TRIT1: variants seen among roughly 807,000 people sequenced by gnomAD.
TRIT1 encodes the protein tRNA dimethylallyltransferase.
A neutral mutation model predicts 51.2 loss-of-function variants in TRIT1; 43 were observed. The ratio of observed to expected loss-of-function variants is 0.84; its 90% CI spans 0.66 to 1.08. The LOEUF is 1.08. Among genes scored for constraint, TRIT1 ranks in the 50% least tolerant of loss-of-function variants. TRIT1 has a pLI of 0.00. For missense variants in TRIT1, 528 were observed against 578.4 expected (o/e 0.91, Z 0.89); for synonymous variants, 184 against 203.9 (o/e 0.90, Z 0.83).
At chr1:39,879,160 T>G (rs1644162298) in intron 1 of TRIT1, among the ~76,000 whole-genome samples, 1 of 151,990 alleles carries the variant, frequency 6.6e-6, no homozygotes, top group Non-Finnish European at 1.5e-5. Flanking sequence ...TCCCAGCTAC[T>G]CGGGAGGCTG....
chr1:39,847,375 C>G, intron 7 of TRIT1, 78 bp from the exon 8 acceptor site: 6 of 1,514,454 alleles, frequency 4.0e-6, no homozygotes, highest in Non-Finnish European at 5.5e-6. Flanking sequence ...CCCAGCCCAG[C>G]AGGAAAAAGT....
intron 1 of TRIT1, among the ~76,000 whole-genome samples, chr1:39,877,019 CAA>C (rs529375001): frequency 0.14 from 10,073 of 74,108 alleles, 370 homozygotes; most frequent in East Asian, 0.27. Flanking sequence ...AATGGGTCTT[CAA>C]AAAAAAAAAA....
intron 8 of TRIT1, among the ~76,000 whole-genome samples, chr1:39,846,741 T>C (rs1642245866): frequency 6.6e-6 from 1 of 152,184 alleles, no homozygotes; most frequent in South Asian, 2.1e-4. Flanking sequence ...TTCTTTTCCC[T>C]CAAAAATGCT....
At chr1:39,874,929 A>C (rs1450365533) in intron 1 of TRIT1, among the ~76,000 whole-genome samples, 4 of 151,862 alleles carry the variant, frequency 2.6e-5, no homozygotes, top group Admixed American at 2.0e-4. Flanking sequence ...CAGCCTCCCA[A>C]AGTGCTGGAA....
intron 1 of TRIT1, among the ~76,000 whole-genome samples, chr1:39,867,659 G>A (rs1279681739): frequency 6.6e-6 from 1 of 152,158 alleles, no homozygotes; most frequent in East Asian, 1.9e-4. Flanking sequence ...GAGTCCACCT[G>A]CAAACAAACA....
intron 6 of TRIT1, 154 bp from the exon 7 acceptor site, chr1:39,847,814 C>T: frequency 6.9e-7 from 1 of 1,454,306 alleles, no homozygotes; most frequent in South Asian, 1.4e-5. Flanking sequence ...CTCCCCTACC[C>T]ACCAGGTTAC....
At chr1:39,856,665 C>CATA (rs1642921658) in intron 2 of TRIT1, among the ~76,000 whole-genome samples, 1 of 152,078 alleles carries the variant, frequency 6.6e-6, no homozygotes, top group Admixed American at 6.6e-5. Context: ...CATGTTAAGA[C>CATA]ATAAGGGCAA....
At chr1:39,853,648 G>C (rs1213300362) in intron 3 of TRIT1, among the ~76,000 whole-genome samples, 1 of 152,150 alleles carries the variant, frequency 6.6e-6, no homozygotes, top group Non-Finnish European at 1.5e-5. Context: ...CTGACCTCAG[G>C]TGAGCCACCC....
intron 1 of TRIT1, among the ~76,000 whole-genome samples, chr1:39,859,968 C>T (rs976777172): frequency 6.6e-6 from 1 of 152,230 alleles, no homozygotes; most frequent in Non-Finnish European, 1.5e-5. Flanking sequence ...CTGTAATCTG[C>T]CTTTAGGTGT....
At chr1:39,870,513 TAAAAAAAAAAAAA>T (rs60334518) in intron 1 of TRIT1, among the ~76,000 whole-genome samples, 2 of 78,780 alleles carry the variant, frequency 2.5e-5, no homozygotes, top group Non-Finnish European at 4.7e-5. Flanking sequence ...CAATAAATAC[TAAAAAAAAAAAAA>T]AAAAAAAAAG....
At chr1:39,842,338 C>A (rs1044420142) in intron 10 of TRIT1, among the ~76,000 whole-genome samples, 6 of 152,194 alleles carry the variant, frequency 3.9e-5, no homozygotes, top group Non-Finnish European at 5.9e-5. Context: ...TAGTATGGGG[C>A]TTCCTGTTAT....
At chr1:39,849,242 T>C (rs1394129839) in intron 5 of TRIT1, among the ~76,000 whole-genome samples, 1 of 152,186 alleles carries the variant, frequency 6.6e-6, no homozygotes, top group Admixed American at 6.5e-5. Context: ...TTATCTCTAT[T>C]TTACAGGAGA....
chr1:39,874,734 C>T (rs941578966), intron 1 of TRIT1, among the ~76,000 whole-genome samples: 10 of 151,270 alleles, frequency 6.6e-5, no homozygotes, highest in African/African-American at 2.2e-4. Context: ...GGCGTGATCT[C>T]GGCTCACTGC....
rs58041605 is a variant in TRIT1, at chr1:39,864,597, C to CAAAA, written c.175-7184_175-7181dup. Among the ~76,000 whole-genome samples, 34 of 97,292 alleles carry CAAAA rather than the reference C, an allele frequency of 3.5e-4. No homozygotes were observed. In the East Asian group the frequency reaches 4.6e-3, roughly 13 times the overall value. 63.8% of individuals were successfully genotyped at this position (97,292 alleles called of 152,430 possible). On this transcript the variant is annotated intron_variant, in intron 1 of 10. Coordinates refer to ENST00000316891, the MANE Select transcript of TRIT1 (RefSeq NM_017646.6). ...GCACTGACAGAGCGAGACTCTGTCT[C>CAAAA]AAAAAAAAAAAAAAAAAAAAATTAT...
At chr1:39,865,835 C>T (rs566141626) in intron 1 of TRIT1, among the ~76,000 whole-genome samples, 8 of 135,528 alleles carry the variant, frequency 5.9e-5, no homozygotes, top group African/African-American at 8.4e-5. Context: ...GGCAGCACAA[C>T]GAGACAAGAA....
intron 2 of TRIT1, among the ~76,000 whole-genome samples, chr1:39,854,283 T>C (rs928133633): frequency 4.6e-5 from 7 of 152,164 alleles, no homozygotes; most frequent in African/African-American, 1.2e-4. Flanking sequence ...GACAAATGCA[T>C]AGTGGTAATT....
At chr1:39,864,425 C>T (rs1643416727) in intron 1 of TRIT1, among the ~76,000 whole-genome samples, 1 of 151,340 alleles carries the variant, frequency 6.6e-6, no homozygotes, top group Non-Finnish European at 1.5e-5. Flanking sequence ...CTGGCTAACA[C>T]AGTGAAACCC....
At chr1:39,880,279 AAAAAAAAAAAAAAAG>A (rs1315871960) in intron 1 of TRIT1, among the ~76,000 whole-genome samples, 1 of 146,478 alleles carries the variant, frequency 6.8e-6, no homozygotes, top group Admixed American at 6.7e-5. Flanking sequence ...AAAAAAAAAA[AAAAAAAAAAAAAAAG>A]AAGAAACTGT....
At chr1:39,842,272 T>C (rs940229205) in intron 10 of TRIT1, among the ~76,000 whole-genome samples, 2 of 152,238 alleles carry the variant, frequency 1.3e-5, no homozygotes, top group African/African-American at 4.8e-5. Context: ...GGTAAACTCT[T>C]CTACTTAGAC....
Sources: allele counts gnomAD v4.1 joint callset (sites outside exome capture counted in the v4.1 genomes callset), GRCh38; gene constraint gnomAD v4.1.1; transcripts MANE v1.5; gene names NCBI Gene and HGNC (gene_info 2026-07-23, HGNC 2026-07-21).